Variants in MFHAS1 observed in about 807,000 individuals in gnomAD.
MFHAS1 encodes the protein malignant fibrous histiocytoma-amplified sequence 1.
A neutral mutation model predicts 70.4 loss-of-function variants in MFHAS1; 50 were observed. The ratio of observed to expected loss-of-function variants is 0.71; its 90% CI spans 0.57 to 0.90. The LOEUF (loss-of-function observed/expected upper bound fraction) is 0.90. Ranked by LOEUF, MFHAS1 falls within the 40% of genes least tolerant of loss-of-function variation. MFHAS1 has a pLI of 0.00. For synonymous variants in MFHAS1, 952 were observed against 620.0 expected, an observed-to-expected ratio of 1.54 and a Z score of -7.96; for missense variants, 1,795 against 1,347.6, an observed-to-expected ratio of 1.33 and a Z score of -5.20.
At chr8:8,820,016 A>T (rs1563188554) in intron 1 of MFHAS1, among the ~76,000 whole-genome samples, 2 of 152,172 alleles carry the variant, frequency 1.3e-5, no homozygotes, top group Non-Finnish European at 2.9e-5. Context: ...CTATCTATGA[A>T]ACACAAAACT....
rs367944130 is a variant in MFHAS1 at position 8,857,733 on chromosome 8, C to T, written c.2998+32328G>A. Reference sequence around the variant, plus strand: ...CAAGATCGCACCAAGGCACTCTAGCCTGGGCAACAGAGCAAGACTCCGTCT... The same window carrying T: ...CAAGATCGCACCAAGGCACTCTAGCTTGGGCAACAGAGCAAGACTCCGTCT... On this transcript the variant is annotated intron_variant, in intron 1 of 2. Transcript: ENST00000276282. Among the ~76,000 whole-genome samples, 30 of 151,508 alleles carry T rather than the reference C, an allele frequency of 2.0e-4. 1 individual carries two copies. The highest frequency in any genetic ancestry group is 1.7e-3 in the East Asian group (9 of 5,150).
chr8:8,892,029 G>A lies in MFHAS1; in HGVS notation c.1030C>T (p.Leu344=). 1 of 1,613,612 alleles carries A rather than the reference G, an allele frequency of 6.2e-7. No homozygotes were observed. Among genetic ancestry groups the A allele is most frequent in the Non-Finnish European group, 8.5e-7 (1 of 1,180,034 alleles). ...LPDSIVELTG[L]EELVLQGNQI... ...TTCCCCTGCAGCACGAGCTCCTCCAGGCCGGTCAGCTCCACGATGGAGTCC... is the reference window on the plus strand; with the variant it reads ...TTCCCCTGCAGCACGAGCTCCTCCAAGCCGGTCAGCTCCACGATGGAGTCC... Residue 344 remains leucine, a synonymous_variant, in exon 1 of 3, where the codon CTG becomes TTG. Transcript: ENST00000276282. This position sits in a 1 kb window ranked among gnomAD's most constrained non-coding sequence, Gnocchi z 4.7.
At chr8:8,788,396 G>A (rs917010057) in intron 2 of MFHAS1, among the ~76,000 whole-genome samples, 1 of 152,166 alleles carries the variant, frequency 6.6e-6, no homozygotes, top group Non-Finnish European at 1.5e-5. Flanking sequence ...GTACTGAGGA[G>A]AGCCAGGTGC....
At chr8:8,825,550 T>C (rs1585036970) in intron 1 of MFHAS1, among the ~76,000 whole-genome samples, 1 of 152,200 alleles carries the variant, frequency 6.6e-6, no homozygotes, top group Admixed American at 6.5e-5. Context: ...TGGTTTCTTC[T>C]GAGGCCTCTC....
chr8:8,786,897 A>G (rs1284008587), intron 2 of MFHAS1, among the ~76,000 whole-genome samples: 2 of 152,092 alleles, frequency 1.3e-5, no homozygotes, highest in Non-Finnish European at 2.9e-5. Flanking sequence ...TCATTCAAGC[A>G]TGATAATAAC....
intron 2 of MFHAS1, among the ~76,000 whole-genome samples, chr8:8,795,582 AT>A (rs1261146990): frequency 4.6e-5 from 7 of 152,350 alleles, no homozygotes; most frequent in Admixed American, 2.0e-4. Flanking sequence ...TCCAGCAAGG[AT>A]AGATTAGGGA....
intron 1 of MFHAS1, among the ~76,000 whole-genome samples, chr8:8,844,081 G>A (rs751004690): frequency 1.3e-5 from 2 of 152,190 alleles, no homozygotes; most frequent in Non-Finnish European, 2.9e-5. Context: ...GACAGATGGA[G>A]AAGAAAGAAC....
intron 2 of MFHAS1, among the ~76,000 whole-genome samples, chr8:8,793,343 G>A (rs1337460762): frequency 1.3e-5 from 2 of 152,184 alleles, no homozygotes; most frequent in African/African-American, 2.4e-5. Context: ...AGAAAGCATT[G>A]CAGCACCATT....
chr8:8,840,300 T>C (rs1281666459), intron 1 of MFHAS1, among the ~76,000 whole-genome samples: 3 of 151,868 alleles, frequency 2.0e-5, no homozygotes, highest in Non-Finnish European at 4.4e-5. Context: ...CTACTAAAAA[T>C]ACAAAAATTA....
intron 2 of MFHAS1, among the ~76,000 whole-genome samples, chr8:8,787,920 A>T (rs1805607850): frequency 6.6e-6 from 1 of 152,212 alleles, no homozygotes; most frequent in South Asian, 2.1e-4. Flanking sequence ...CTTTTTCCAC[A>T]TTTGGGATCT....
At chr8:8,843,125 C>T (rs1468541208) in intron 1 of MFHAS1, among the ~76,000 whole-genome samples, 1 of 151,782 alleles carries the variant, frequency 6.6e-6, no homozygotes, top group African/African-American at 2.4e-5. Context: ...AAAAATTAGC[C>T]GGGCGCGGTG....
At position 8,819,579 on chromosome 8, in the gene MFHAS1, A is replaced by G. The variant is rs553954905; in HGVS notation, c.2999-22088T>C. ...AGATCACGCCACTGCACTCCAGCCT[A>G]GGCGACAGAGCAAGACTCCAACTCA... On this transcript the variant is annotated intron_variant, in intron 1 of 2. Coordinates refer to ENST00000276282, the MANE Select transcript of MFHAS1 (RefSeq NM_004225.3). 4.8e-3 allele frequency among the ~76,000 whole-genome samples: 692 copies of G among 145,038 alleles called. 5 individuals carry two copies. Among genetic ancestry groups the G allele is most frequent in the African/African-American group, 0.017 (654 of 39,268 alleles).
intron 1 of MFHAS1, among the ~76,000 whole-genome samples, chr8:8,870,282 T>G (rs1809025504): frequency 7.1e-6 from 1 of 140,380 alleles, no homozygotes; most frequent in Admixed American, 7.2e-5. Context: ...AGTGAGACCC[T>G]GTCTCTACAA....
At chr8:8,860,300 A>T (rs1042063899) in intron 1 of MFHAS1, among the ~76,000 whole-genome samples, 1 of 152,190 alleles carries the variant, frequency 6.6e-6, no homozygotes, top group African/African-American at 2.4e-5. Flanking sequence ...CGCGTCAACA[A>T]TCTCATCTGA....
intron 1 of MFHAS1, among the ~76,000 whole-genome samples, chr8:8,846,253 CA>C (rs1259769297): frequency 2.1e-4 from 10 of 48,326 alleles, no homozygotes; most frequent in Admixed American, 6.6e-4. Context: ...ACTCTGTCTC[CA>C]AAAAAAAGGG....
chr8:8,846,382 A>G (rs1405790845), intron 1 of MFHAS1, among the ~76,000 whole-genome samples: 1 of 150,382 alleles, frequency 6.6e-6, no homozygotes, highest in Non-Finnish European at 1.5e-5. Context: ...AAGGAGAAGA[A>G]AATGACCACT....
chr8:8,824,285 G>A (rs923200612), intron 1 of MFHAS1, among the ~76,000 whole-genome samples: 1 of 151,894 alleles, frequency 6.6e-6, no homozygotes, highest in Non-Finnish European at 1.5e-5. Context: ...CTCACATCTT[G>A]CATCTTCTTA....
chr8:8,798,090 T>A (rs1805971496), intron 1 of MFHAS1, among the ~76,000 whole-genome samples: 1 of 152,154 alleles, frequency 6.6e-6, no homozygotes, highest in African/African-American at 2.4e-5. Context: ...CAAAAACACA[T>A]AATTAACCTA....
chr8:8,794,021 C>G (rs1805807402), intron 2 of MFHAS1, among the ~76,000 whole-genome samples: 1 of 152,100 alleles, frequency 6.6e-6, no homozygotes, highest in African/African-American at 2.4e-5. Context: ...AACCCCGTCT[C>G]TACCAAAAAA....
Sources: allele counts gnomAD v4.1 joint callset (sites outside exome capture counted in the v4.1 genomes callset), GRCh38; gene constraint gnomAD v4.1.1; non-coding constraint Gnocchi (gnomAD v3.1); transcripts MANE v1.5; gene names NCBI Gene and HGNC (gene_info 2026-07-23, HGNC 2026-07-21).